AKAP13: variants seen among roughly 807,000 people sequenced by gnomAD.
AKAP13 encodes the protein A-kinase anchor protein 13.
In AKAP13, 80 loss-of-function variants were observed where a neutral mutation model predicts 264.5. The observed-to-expected ratio is 0.30, with a 90% CI of 0.25 to 0.36. AKAP13 has a LOEUF of 0.36. AKAP13 is among the 10% of genes least tolerant of loss of function. The probability of loss-of-function intolerance (pLI) is 1.00; values close to 1 mark genes in which losing one functional copy is unlikely to be tolerated. For missense variants in AKAP13, 3,712 were observed against 3,435.2 expected (o/e 1.08, Z -2.01); for synonymous variants, 1,380 against 1,250.2 (o/e 1.10, Z -2.19).
At chr15:85,390,968 G>A (rs561856256) in intron 1 of AKAP13, among the ~76,000 whole-genome samples, 2 of 152,268 alleles carry the variant, frequency 1.3e-5, no homozygotes, top group South Asian at 4.1e-4. Context: ...TACAGTTCTG[G>A]AGTTCAGTGA....
chr15:85,616,176 T>C (rs2080928408), intron 8 of AKAP13, among the ~76,000 whole-genome samples: 1 of 152,174 alleles, frequency 6.6e-6, no homozygotes, highest in Non-Finnish European at 1.5e-5. Flanking sequence ...GGTGTTCTGT[T>C]TGGGTCTTCA....
chr15:85,710,750 A>G, intron 19 of AKAP13, 105 bp downstream of exon 19: 1 of 1,287,076 alleles, frequency 7.8e-7, no homozygotes, highest in Non-Finnish European at 1.1e-6. Context: ...AGATATGAAT[A>G]CCTATTTTGT....
intron 9 of AKAP13, among the ~76,000 whole-genome samples, chr15:85,639,794 T>C (rs1053381862): frequency 6.6e-6 from 1 of 152,200 alleles, no homozygotes; most frequent in Non-Finnish European, 1.5e-5. Context: ...CACATTGGAA[T>C]TATCTGGCTG....
chr15:85,688,724 T>G (rs374023497), intron 16 of AKAP13, among the ~76,000 whole-genome samples: 1 of 152,208 alleles, frequency 6.6e-6, no homozygotes, highest in Admixed American at 6.5e-5. Flanking sequence ...GTATATAAAC[T>G]TAAGAAATTG....
At chr15:85,726,249 T>A (rs2087609632) in intron 26 of AKAP13, 161 bp from the exon 27 acceptor site, 1 of 536,254 alleles carries the variant, frequency 1.9e-6, no homozygotes, top group Non-Finnish European at 3.4e-6. Flanking sequence ...CCTGGAGAAC[T>A]GTAAAACTGT....
At chr15:85,610,064 C>T (rs746170858) in intron 8 of AKAP13, among the ~76,000 whole-genome samples, 2 of 152,164 alleles carry the variant, frequency 1.3e-5, no homozygotes, top group Non-Finnish European at 2.9e-5. Context: ...GGGCAACTCA[C>T]CTAAAACAGA....
chr15:85,434,146 T>G (rs1410001606), intron 1 of AKAP13, among the ~76,000 whole-genome samples: 4 of 151,870 alleles, frequency 2.6e-5, no homozygotes, highest in Admixed American at 2.6e-4. Context: ...GGGCGAGGCA[T>G]TGCCTCACTT....
chr15:85,612,899 G>A (rs1436227184), intron 8 of AKAP13, among the ~76,000 whole-genome samples: 2 of 151,882 alleles, frequency 1.3e-5, no homozygotes, highest in African/African-American at 4.8e-5. Context: ...TGCCTTAAAA[G>A]GGATGCTATT....
At chr15:85,587,894 C>T (rs537770007) in intron 8 of AKAP13, among the ~76,000 whole-genome samples, 2 of 152,280 alleles carry the variant, frequency 1.3e-5, no homozygotes, top group South Asian at 2.1e-4. Flanking sequence ...GTGATCCACC[C>T]GCCTTGGCCT....
chr15:85,676,899 A>G, intron 14 of AKAP13: 1 of 978,102 alleles, frequency 1.0e-6, no homozygotes, highest in Non-Finnish European at 1.2e-6. Context: ...CATTGACATT[A>G]TGCTGTTTCC....
rs1292541602 is a variant in AKAP13 at position 85,718,927 on chromosome 15, A to C, written c.6002-149A>C. On this transcript the variant is annotated intron_variant, in intron 22 of 36. Transcript: ENST00000394518. This position sits in a 1 kb window ranked among gnomAD's most constrained non-coding sequence, Gnocchi z 4.9. Reference sequence around the variant, plus strand: ...AAAAAAACAAAAAAACAAAAAAACGAGAACACTTTTAGGGGAAAGATAGCT... The same window carrying C: ...AAAAAAACAAAAAAACAAAAAAACGCGAACACTTTTAGGGGAAAGATAGCT... 1.8e-6 allele frequency: 2 copies of C among 1,137,668 alleles called. No homozygotes were observed. Among genetic ancestry groups the C allele is most frequent in the Middle Eastern group, 3.1e-4 (1 of 3,266 alleles). 70.5% of individuals were successfully genotyped at this position (1,137,668 alleles called of 1,614,324 possible). A position where few individuals can be genotyped will look rare whatever the true frequency, so the allele number is the denominator to read the frequency against.
chr15:85,735,435 C>T, intron 31 of AKAP13, 125 bp from the exon 32 acceptor site: 1 of 1,011,612 alleles, frequency 9.9e-7, no homozygotes, highest in Non-Finnish European at 1.4e-6. Flanking sequence ...CAAGCAGCTC[C>T]CCCTTTTTGG....
intron 1 of AKAP13, among the ~76,000 whole-genome samples, chr15:85,433,016 CTCTT>C (rs1214529489): frequency 2.7e-5 from 4 of 150,704 alleles, no homozygotes; most frequent in South Asian, 2.1e-4. Flanking sequence ...TTGCTTTTTT[CTCTT>C]TCTTACATGG....
chr15:85,569,851 G>A (rs559078457), intron 5 of AKAP13, among the ~76,000 whole-genome samples: 1 of 151,408 alleles, frequency 6.6e-6, no homozygotes, highest in African/African-American at 2.4e-5. Flanking sequence ...GCCAAGGCAG[G>A]TGGATCACAA....
intron 8 of AKAP13, among the ~76,000 whole-genome samples, chr15:85,598,530 A>G (rs537522156): frequency 6.6e-6 from 1 of 152,228 alleles, no homozygotes. Flanking sequence ...TGCTGTTGGA[A>G]CATAGTCCCT....
At chr15:85,662,470 T>G (rs368662060) in intron 12 of AKAP13, 19 of 1,613,944 alleles carry the variant, frequency 1.2e-5, no homozygotes, top group Non-Finnish European at 1.4e-5. Context: ...TATTGTTATG[T>G]GTCCCGCCAC....
chr15:85,688,286 A>G (rs1306766796), intron 16 of AKAP13, among the ~76,000 whole-genome samples: 1 of 152,182 alleles, frequency 6.6e-6, no homozygotes, highest in Non-Finnish European at 1.5e-5. Flanking sequence ...TGAAAGTGCT[A>G]CTATGGATAT....
At position 85,719,119 on chromosome 15, in the gene AKAP13, C is replaced by A; in HGVS notation, c.6045C>A (p.Ile2015=). The A allele has an allele frequency of 3.1e-6, 5 of 1,614,148 alleles. No individual in the cohort carries two copies. Among genetic ancestry groups the A allele is most frequent in the South Asian group, 1.1e-5 (1 of 91,064 alleles). Reference sequence around the variant, plus strand: ...TTCATCATGTCCGCACTCTCAAGATCATGAGTGGTGTGTACAGCCAGGGGA... The same window carrying A: ...TTCATCATGTCCGCACTCTCAAGATAATGAGTGGTGTGTACAGCCAGGGGA... ...TEFHHVRTLK[I]MSGVYSQGMM... The change falls in exon 23 of 37, where the codon ATC becomes ATA. Residue 2015 remains isoleucine, a synonymous_variant. Coordinates refer to ENST00000394518, the MANE Select transcript of AKAP13 (RefSeq NM_007200.5).
intron 30 of AKAP13, among the ~76,000 whole-genome samples, chr15:85,733,873 C>CTTTTTTTTTTTTTTTTTTTTTTTTTTTT (rs72092500): frequency 4.8e-5 from 4 of 82,590 alleles, no homozygotes; most frequent in Non-Finnish European, 6.9e-5. Flanking sequence ...TCTTTCTTTT[C>CTTTTTTTTTTTTTTTTTTTTTTTTTTTT]TTTTTTTTTT....
Sources: allele counts gnomAD v4.1 joint callset (sites outside exome capture counted in the v4.1 genomes callset), GRCh38; gene constraint gnomAD v4.1.1; non-coding constraint Gnocchi (gnomAD v3.1); transcripts MANE v1.5; gene names NCBI Gene and HGNC (gene_info 2026-07-23, HGNC 2026-07-21).